The following SNTG2 variants were observed in gnomAD, a reference collection of about 807,000 sequenced individuals.
SNTG2 encodes gamma-2-syntrophin.
Under a neutral mutation model 70.9 loss-of-function variants are expected in SNTG2, and 74 were observed. That is an observed-to-expected ratio of 1.04 (90% CI 0.86 to 1.27). SNTG2 has a LOEUF of 1.27. Ranked by LOEUF, SNTG2 falls within the 50% of genes most tolerant of loss-of-function variation. The pLI is 0.00. For missense variants in SNTG2, 717 were observed against 690.7 expected, an observed-to-expected ratio of 1.04 and a Z score of -0.43; for synonymous variants, 278 against 273.8, an observed-to-expected ratio of 1.02 and a Z score of -0.15.
chr2:1,364,171 A>G (rs76165474), intron 16 of SNTG2, among the ~76,000 whole-genome samples: 107,271 of 148,632 alleles, frequency 0.72, 39,026 homozygotes, highest in East Asian at 0.94. Context: ...TGGTAGGGAC[A>G]GCATTTCACC....
chr2:1,229,651 C>T (rs936003975), intron 9 of SNTG2, among the ~76,000 whole-genome samples: 10 of 151,748 alleles, frequency 6.6e-5, no homozygotes, highest in South Asian at 6.2e-4. Flanking sequence ...GAGCAGGGGG[C>T]GGTGTTCATT....
chr2:1,154,908 T>TACACAC (rs374095729), intron 6 of SNTG2, among the ~76,000 whole-genome samples: 1 of 140,878 alleles, frequency 7.1e-6, no homozygotes, highest in African/African-American at 2.7e-5. Context: ...ACATACCACA[T>TACACAC]ACACACACAC....
intron 1 of SNTG2, among the ~76,000 whole-genome samples, chr2:1,020,596 G>A (rs541489536): frequency 6.6e-6 from 1 of 152,014 alleles, no homozygotes; most frequent in Non-Finnish European, 1.5e-5. Context: ...CAACAGAAAA[G>A]TTGGAAGAAT....
intron 1 of SNTG2, among the ~76,000 whole-genome samples, chr2:974,231 G>A (rs536899741): frequency 6.6e-6 from 1 of 152,222 alleles, no homozygotes; most frequent in East Asian, 1.9e-4. Context: ...CACATCCTCC[G>A]AGGTGGGCTG....
intron 1 of SNTG2, among the ~76,000 whole-genome samples, chr2:1,011,230 G>C (rs542505244): frequency 1.1e-4 from 16 of 152,224 alleles, no homozygotes; most frequent in Non-Finnish European, 2.1e-4. Flanking sequence ...GGTGGGAGCA[G>C]GGCGGAGCCA....
chr2:986,910 T>C (rs757283298), intron 1 of SNTG2, among the ~76,000 whole-genome samples: 2 of 152,246 alleles, frequency 1.3e-5, no homozygotes, highest in African/African-American at 2.4e-5. Flanking sequence ...AATAGCTTTT[T>C]AGATTAAAAT....
chr2:1,069,781 C>G (rs1261128784), intron 1 of SNTG2, among the ~76,000 whole-genome samples: 1 of 152,044 alleles, frequency 6.6e-6, no homozygotes, highest in East Asian at 1.9e-4. Flanking sequence ...CAGAGCAAGA[C>G]TCCGTCTCAA....
chr2:1,034,124 C>G (rs566785505), intron 1 of SNTG2, among the ~76,000 whole-genome samples: 2 of 151,682 alleles, frequency 1.3e-5, no homozygotes, highest in South Asian at 4.1e-4. Context: ...TTCTGATCTT[C>G]TCCCTCCTCT....
intron 1 of SNTG2, among the ~76,000 whole-genome samples, chr2:957,515 A>G (rs1660206272): frequency 1.3e-5 from 2 of 152,170 alleles, no homozygotes; most frequent in African/African-American, 4.8e-5. Flanking sequence ...ATTAATTGCC[A>G]CACACTGAGC....
chr2:1,094,524 GA>G lies in SNTG2; in HGVS notation c.211-3671del, dbSNP rs1281968816. Among the ~76,000 whole-genome samples, 3 of 64,162 alleles carry G rather than the reference GA, an allele frequency of 4.7e-5. 1 individual carries two copies. The highest frequency in any genetic ancestry group is 8.5e-5 in the Non-Finnish European group (3 of 35,458). 42.1% of individuals were successfully genotyped at this position (64,162 alleles called of 152,430 possible). A position where few individuals can be genotyped will look rare whatever the true frequency, so the allele number is the denominator to read the frequency against. ...GTTACTGGCAAGGGCTGGCTTCCTG[GA>G]CTGCAGGCGAAGGCCTTATAGGTGT... On this transcript the variant is annotated intron_variant, in intron 2 of 16. Transcript: ENST00000308624.
chr2:1,085,247 G>A (rs1664608791), intron 2 of SNTG2, among the ~76,000 whole-genome samples: 1 of 152,138 alleles, frequency 6.6e-6, no homozygotes, highest in Non-Finnish European at 1.5e-5. Context: ...GCTTAATAGA[G>A]ATTTTTAACT....
At chr2:1,216,840 A>G (rs907113900) in intron 9 of SNTG2, among the ~76,000 whole-genome samples, 16 of 152,178 alleles carry the variant, frequency 1.1e-4, no homozygotes, top group Non-Finnish European at 1.8e-4. Context: ...TCATGGGGGT[A>G]GTTCCCCCAT....
chr2:1,229,884 T>G (rs1676083145), intron 9 of SNTG2, among the ~76,000 whole-genome samples: 1 of 152,180 alleles, frequency 6.6e-6, no homozygotes, highest in African/African-American at 2.4e-5. Context: ...GGCCGGCTGC[T>G]CCGAGTGCGG....
intron 9 of SNTG2, among the ~76,000 whole-genome samples, chr2:1,216,909 T>C (rs531116510): frequency 2.0e-5 from 3 of 152,212 alleles, no homozygotes; most frequent in South Asian, 2.1e-4. Flanking sequence ...TAAGGGGCTC[T>C]TTCCCTTTCA....
intron 1 of SNTG2, among the ~76,000 whole-genome samples, chr2:1,000,280 A>G (rs568692071): frequency 1.2e-4 from 19 of 152,076 alleles, no homozygotes; most frequent in African/African-American, 4.3e-4. Flanking sequence ...AAATAAAGAT[A>G]AAAGCAAAAC....
intron 8 of SNTG2, among the ~76,000 whole-genome samples, chr2:1,181,769 CTTGCAGGGAGCTTTTGTT>C (rs1671915551): frequency 6.6e-6 from 1 of 152,194 alleles, no homozygotes; most frequent in African/African-American, 2.4e-5. Flanking sequence ...AAAGCTGAAG[CTTGCAGGGAGCTTTTGTT>C]TCTAGTTGCC....
intron 16 of SNTG2, among the ~76,000 whole-genome samples, chr2:1,359,099 C>T (rs1454871065): frequency 6.6e-6 from 1 of 152,088 alleles, no homozygotes; most frequent in Non-Finnish European, 1.5e-5. Context: ...TCCATAATGA[C>T]ATATCTTGGA....
rs184642759 is a variant in SNTG2 at position 997,773 on chromosome 2, G to A, written c.72+46705G>A. 4.3e-4 allele frequency among the ~76,000 whole-genome samples: 66 copies of A among 152,354 alleles called. 1 individual carries two copies. The Middle Eastern group carries it at 0.01, about 24-fold the overall frequency. On this transcript the variant is annotated intron_variant, in intron 1 of 16. Coordinates refer to ENST00000308624, the MANE Select transcript of SNTG2 (RefSeq NM_018968.4). ...TCCAGAGACCAGCCTGTTGCCTGAA[G>A]CACCAGAGAGCTTCTCTTGGTAAAC... is the stretch of plus-strand genomic sequence containing the variant.
Position 1,098,427 on chromosome 2 carries a change from T to G in SNTG2, c.325+17T>G, listed in dbSNP as rs1488201732. The G allele has an allele frequency of 6.2e-7, 1 of 1,613,484 alleles. No homozygotes were observed. The highest frequency in any genetic ancestry group is 2.2e-5 in the East Asian group (1 of 44,872). ...ACCAAGCAGGTAAAAACAGCCAAAA[T>G]GACCTGTGTATGCATCACAGCCATT... On this transcript the variant is annotated intron_variant, in intron 4 of 16. Coordinates refer to ENST00000308624, the MANE Select transcript of SNTG2 (RefSeq NM_018968.4).
Sources: allele counts gnomAD v4.1 joint callset (sites outside exome capture counted in the v4.1 genomes callset), GRCh38; gene constraint gnomAD v4.1.1; transcripts MANE v1.5; gene names NCBI Gene and HGNC (gene_info 2026-07-23, HGNC 2026-07-21).